Variants in FLRT2 observed in about 807,000 individuals in gnomAD.
FLRT2 encodes fibronectin leucine rich transmembrane protein 2.
A neutral mutation model predicts 40.0 loss-of-function variants in FLRT2; 15 were observed. The observed-to-expected ratio is 0.38, with a 90% CI of 0.25 to 0.58. The LOEUF (loss-of-function observed/expected upper bound fraction) is 0.58, where lower values mean the gene tolerates loss of function less well. FLRT2 is among the 20% of genes least tolerant of loss of function. The pLI, the probability that FLRT2 is intolerant of heterozygous loss-of-function variation, is 0.71. For missense variants in FLRT2, 726 were observed against 840.0 expected (o/e 0.86, Z 1.68); for synonymous variants, 380 against 336.8 (o/e 1.13, Z -1.41).
In FLRT2 at chr14:85,644,919, C is replaced by G. The variant is rs760792265; in HGVS notation, c.*21422C>G. 3.3e-5 allele frequency: 5 copies of G among 151,852 alleles called. No individual in the cohort carries two copies. The highest frequency in any genetic ancestry group is 1.2e-4 in the African/African-American group (5 of 41,312). The allele number at this position is 151,852 out of a possible 1,614,324, so 9.4% of individuals were successfully genotyped here. On this transcript the variant is annotated 3_prime_UTR_variant, in exon 2 of 2. Transcript: ENST00000330753. ...TGCCAATCTCGTAGGAGATTAATAG[C>G]GTAGAGCTCTGTGGTTCTGAAGCAA...
Position 85,649,974 on chromosome 14 carries a change from ATAC to A in FLRT2, c.*26478_*26480del. ...ATAACACAAGAAAGTAAAGAAAGTA[ATAC>A]AAGGAACACTCATGTACACATCAAC... On this transcript the variant is annotated 3_prime_UTR_variant, in exon 2 of 2. Transcript: ENST00000330753. 1 of 152,158 alleles carries A rather than the reference ATAC, an allele frequency of 6.6e-6. No individual in the cohort carries two copies. The highest frequency in any genetic ancestry group is 2.1e-4 in the South Asian group (1 of 4,828). The allele number at this position is 152,158 out of a possible 1,614,324, so 9.4% of individuals were successfully genotyped here.
At position 85,633,374 on chromosome 14, in the gene FLRT2, A is replaced by G. The variant is rs979159680; in HGVS notation, c.*9877A>G. 1 of 152,160 alleles carries G rather than the reference A, an allele frequency of 6.6e-6. No homozygotes were observed. Among genetic ancestry groups the G allele is most frequent in the African/African-American group, 2.4e-5 (1 of 41,440 alleles). The allele number at this position is 152,160 out of a possible 1,614,324, so 9.4% of individuals were successfully genotyped here. A position where few individuals can be genotyped will look rare whatever the true frequency, so the allele number is the denominator to read the frequency against. ...AGAACAGACTTCTTTATAATGTAGC[A>G]TATATTCTATCTGGTTGCTAGAGTA... On this transcript the variant is annotated 3_prime_UTR_variant, in exon 2 of 2. Coordinates refer to ENST00000330753, the MANE Select transcript of FLRT2 (RefSeq NM_013231.6).
chr14:85,581,315 G>T (rs761347795), intron 1 of FLRT2, among the ~76,000 whole-genome samples: 2 of 152,200 alleles, frequency 1.3e-5, no homozygotes, highest in Non-Finnish European at 2.9e-5. Context: ...AGCAAGCAGT[G>T]CTCTGAATGA....
chr14:85,590,439 G>A (rs1432820952), intron 1 of FLRT2, among the ~76,000 whole-genome samples: 2 of 152,172 alleles, frequency 1.3e-5, no homozygotes, highest in African/African-American at 4.8e-5. Context: ...TCATCTCAAT[G>A]ATAGGTGAAG....
At chr14:85,604,591 C>G (rs1213131864) in intron 1 of FLRT2, among the ~76,000 whole-genome samples, 1 of 149,916 alleles carries the variant, frequency 6.7e-6, no homozygotes. Flanking sequence ...AAAACTCCAC[C>G]AAGAAAGAAA....
intron 1 of FLRT2, among the ~76,000 whole-genome samples, chr14:85,619,084 C>CTTTTTTTTTTTTTTT (rs11305956): frequency 7.4e-6 from 1 of 134,322 alleles, no homozygotes; most frequent in Non-Finnish European, 1.6e-5. Context: ...TAATGCTTGA[C>CTTTTTTTTTTTTTTT]TTTTTTTTTT....
In FLRT2 at chr14:85,586,824, A is replaced by G. The variant is rs372002662; in HGVS notation, c.-376-34315A>G. Among the ~76,000 whole-genome samples, 15 of 152,370 alleles carry G rather than the reference A, an allele frequency of 9.8e-5. 1 individual carries two copies. Among genetic ancestry groups the G allele is most frequent in the Admixed American group, 6.5e-4 (10 of 15,308 alleles). On this transcript the variant is annotated intron_variant, in intron 1 of 1. Coordinates refer to ENST00000330753, the MANE Select transcript of FLRT2 (RefSeq NM_013231.6). Reference sequence around the variant, plus strand: ...AAATTCTCATGGGCATGGTAGATATAGAATCAGTTTAGTCGTGATCCTGTC... The same window carrying G: ...AAATTCTCATGGGCATGGTAGATATGGAATCAGTTTAGTCGTGATCCTGTC...
At chr14:85,597,810 T>C (rs1892208858) in intron 1 of FLRT2, among the ~76,000 whole-genome samples, 1 of 152,218 alleles carries the variant, frequency 6.6e-6, no homozygotes, top group African/African-American at 2.4e-5. Context: ...CTTCTACTTC[T>C]GTGGAAATCT....
intron 1 of FLRT2, among the ~76,000 whole-genome samples, chr14:85,586,934 T>C (rs987618774): frequency 3.3e-5 from 5 of 152,040 alleles, no homozygotes; most frequent in Admixed American, 1.3e-4. Flanking sequence ...GATAAGCTGG[T>C]TTTCATTGAG....
Position 85,653,106 on chromosome 14 carries a change from A to C in FLRT2, c.*29609A>C, listed in dbSNP as rs970907661. On this transcript the variant is annotated 3_prime_UTR_variant, in exon 2 of 2. Transcript: ENST00000330753. ...AGGCAGCAAATGGTTCCAGACATTTATAATTATGCATCTGAAGTCAGAACA... is the reference window on the plus strand; with the variant it reads ...AGGCAGCAAATGGTTCCAGACATTTCTAATTATGCATCTGAAGTCAGAACA... 2.6e-5 allele frequency: 4 copies of C among 152,232 alleles called. No homozygotes were observed. The highest frequency in any genetic ancestry group is 9.6e-5 in the African/African-American group (4 of 41,466). 9.4% of individuals were successfully genotyped at this position (152,232 alleles called of 1,614,324 possible).
intron 1 of FLRT2, among the ~76,000 whole-genome samples, chr14:85,586,850 A>G (rs1003331238): frequency 1.2e-4 from 19 of 152,214 alleles, no homozygotes; most frequent in African/African-American, 4.1e-4. Context: ...TGATCCTGTC[A>G]TTTGTACAGT....
chr14:85,565,725 T>TA (rs750171861), intron 1 of FLRT2, among the ~76,000 whole-genome samples: 36 of 152,262 alleles, frequency 2.4e-4, no homozygotes, highest in South Asian at 4.1e-4. Context: ...GGAAGTAGCA[T>TA]TAAAAGAATC....
intron 1 of FLRT2, among the ~76,000 whole-genome samples, chr14:85,561,825 T>G (rs1464047226): frequency 6.6e-6 from 1 of 152,236 alleles, no homozygotes; most frequent in Non-Finnish European, 1.5e-5. Context: ...CATTAGTTCT[T>G]TAGATAGCCC....
chr14:85,606,897 C>A (rs1026490064), intron 1 of FLRT2, among the ~76,000 whole-genome samples: 2 of 151,438 alleles, frequency 1.3e-5, no homozygotes, highest in Non-Finnish European at 2.9e-5. Context: ...ATTACACCCC[C>A]TTCCCCCACA....
rs943674831 is a variant in FLRT2, at chr14:85,626,952, T to A, written c.*3455T>A. 2 of 167,034 alleles carry A rather than the reference T, an allele frequency of 1.2e-5. No homozygotes were observed. Among genetic ancestry groups the A allele is most frequent in the Admixed American group, 1.3e-4 (2 of 15,286 alleles). The allele number at this position is 167,034 out of a possible 1,614,324, so 10.3% of individuals were successfully genotyped here. On this transcript the variant is annotated 3_prime_UTR_variant, in exon 2 of 2. Transcript: ENST00000330753. ...TCCTTCCCCACCAGGGAGGACAACA[T>A]CTTCATGCTGTGATTGAAGCATCCA...
At chr14:85,531,196 G>C in intron 1 of FLRT2, 1 of 152,380 alleles carries the variant, frequency 6.6e-6, no homozygotes. Context: ...AAGGCTTGGA[G>C]AGCATACGAG....
rs1455172479 is a variant in FLRT2, at chr14:85,639,096, C to T, written c.*15599C>T. The T allele has an allele frequency of 6.6e-6, 1 of 152,150 alleles. No homozygotes were observed. The highest frequency in any genetic ancestry group is 1.5e-5 in the Non-Finnish European group (1 of 68,034). The allele number at this position is 152,150 out of a possible 1,614,324, so 9.4% of individuals were successfully genotyped here. A position where few individuals can be genotyped will look rare whatever the true frequency, so the allele number is the denominator to read the frequency against. ...AACTAAACTGAAACCAAAAGAATTT[C>T]CAGAGCAGGCAGTCTCTATTCTGTA... On this transcript the variant is annotated 3_prime_UTR_variant, in exon 2 of 2. Transcript: ENST00000330753.
Position 85,627,826 on chromosome 14 carries a change from A to G in FLRT2, c.*4329A>G, listed in dbSNP as rs755001578. 1.8e-5 allele frequency: 3 copies of G among 167,092 alleles called. No individual in the cohort carries two copies. Among genetic ancestry groups the G allele is most frequent in the Non-Finnish European group, 2.9e-5 (2 of 68,130 alleles). 10.4% of individuals were successfully genotyped at this position (167,092 alleles called of 1,614,324 possible). On this transcript the variant is annotated 3_prime_UTR_variant, in exon 2 of 2. Transcript: ENST00000330753. ...AAGATTCTGCATCACACATCCTCTG[A>G]GACCTACCATGTCGCACACTTTGTT... is the stretch of plus-strand genomic sequence containing the variant.
At chr14:85,546,932 C>T (rs969598243) in intron 1 of FLRT2, among the ~76,000 whole-genome samples, 2 of 152,170 alleles carry the variant, frequency 1.3e-5, no homozygotes, top group African/African-American at 4.8e-5. Context: ...TTTGAGTCTT[C>T]TTTGATTACT....
Sources: allele counts gnomAD v4.1 joint callset (sites outside exome capture counted in the v4.1 genomes callset), GRCh38; gene constraint gnomAD v4.1.1; transcripts MANE v1.5; gene names NCBI Gene and HGNC (gene_info 2026-07-23, HGNC 2026-07-21).